Variants in PPEF2 observed in about 807,000 individuals in gnomAD.
The protein encoded by PPEF2 is protein phosphatase with EF-hand domain 2.
In PPEF2, 84 loss-of-function variants were observed where a neutral mutation model predicts 84.7. That is an observed-to-expected ratio of 0.99 (90% CI 0.83 to 1.19). PPEF2 has a LOEUF of 1.19. Ranked by LOEUF, PPEF2 falls within the 50% of genes most tolerant of loss-of-function variation. PPEF2 has a pLI of 0.00. For missense variants in PPEF2, 924 were observed against 937.5 expected, an observed-to-expected ratio of 0.99 and a Z score of 0.19; for synonymous variants, 346 against 345.2, an observed-to-expected ratio of 1.00 and a Z score of -0.03.
rs1724845956 is a variant in PPEF2, at chr4:75,890,268, T to A, written c.242-136A>T. Reference sequence around the variant, plus strand: ...TGCGGGGCCAAGGAGGGAGGATTGCTTGAGCCCAGGAGTTTGAGAACAGCC... The same window carrying A: ...TGCGGGGCCAAGGAGGGAGGATTGCATGAGCCCAGGAGTTTGAGAACAGCC... On this transcript the variant is annotated intron_variant, in intron 4 of 16. Transcript: ENST00000286719. 5.4e-6 allele frequency: 5 copies of A among 929,972 alleles called. No individual in the cohort carries two copies. In the East Asian group the frequency reaches 1.3e-4, roughly 24 times the overall value. 57.6% of individuals were successfully genotyped at this position (929,972 alleles called of 1,614,324 possible).
intron 16 of PPEF2, among the ~76,000 whole-genome samples, chr4:75,863,736 T>C (rs1724062735): frequency 6.6e-6 from 1 of 152,052 alleles, no homozygotes; most frequent in African/African-American, 2.4e-5. Flanking sequence ...TGTGAATCTA[T>C]AATTATTTCA....
rs184472325 is a variant in PPEF2, at chr4:75,892,066, C to T, written c.56-88G>A. 3 of 1,535,552 alleles carry T rather than the reference C, an allele frequency of 2.0e-6. No individual in the cohort carries two copies. In the African/African-American group the frequency reaches 4.1e-5, roughly 21 times the overall value. On this transcript the variant is annotated intron_variant, in intron 2 of 16. Coordinates refer to ENST00000286719, the MANE Select transcript of PPEF2 (RefSeq NM_006239.3). ...TAGGGAGAGGAAGCTGCTCAGCCCT[C>T]TCCCACTGTATATGTGAGGACAAGA...
chr4:75,892,084 G>T, intron 2 of PPEF2, 106 bp from the exon 3 acceptor site: 2 of 1,408,192 alleles, frequency 1.4e-6, no homozygotes, highest in Non-Finnish European at 1.9e-6. Flanking sequence ...GTATATGTGA[G>T]GACAAGATGG....
rs960530843 is a variant in PPEF2 at position 75,884,731 on chromosome 4, A to C, written c.609T>G (p.Tyr203Ter). The C allele has an allele frequency of 4.4e-6, 7 of 1,605,158 alleles. No individual in the cohort carries two copies. Among genetic ancestry groups the C allele is most frequent in the Non-Finnish European group, 5.9e-6 (7 of 1,177,892 alleles). ...GATCCACAAAGTCACCGTTGAACAC[A>C]TATGACCGTTCTGGCGACGGGAGGC... The part of the protein sequence containing the change: ...KNGLPSPERS[Y>*]VFNGDFVDRG... Residue 203 changes from tyrosine (Y) to a stop codon, truncating the protein, a stop_gained, in exon 8 of 17, where the codon TAT becomes TAG. Transcript: ENST00000286719. LOFTEE classifies it high-confidence loss of function.
intron 14 of PPEF2, 55 bp downstream of exon 14, chr4:75,867,258 G>C: frequency 2.1e-6 from 3 of 1,402,006 alleles, no homozygotes; most frequent in Non-Finnish European, 3.0e-6. Flanking sequence ...GTGTAAGACA[G>C]AGATTTTCTG....
intron 16 of PPEF2, among the ~76,000 whole-genome samples, chr4:75,863,940 T>C (rs1390928101): frequency 6.6e-6 from 1 of 150,992 alleles, no homozygotes; most frequent in Non-Finnish European, 1.5e-5. Flanking sequence ...TGGCACGACC[T>C]CGGCTCACTG....
rs1724680048 is a variant in PPEF2 at position 75,884,728 on chromosome 4, C to T, written c.612G>A (p.Val204=). 2 of 1,605,436 alleles carry T rather than the reference C, an allele frequency of 1.2e-6. No individual in the cohort carries two copies. The highest frequency in any genetic ancestry group is 1.7e-6 in the Non-Finnish European group (2 of 1,177,906). The part of the protein sequence containing the change: ...NGLPSPERSY[V]FNGDFVDRGK... ...CTCGATCCACAAAGTCACCGTTGAACACATATGACCGTTCTGGCGACGGGA... is the reference window on the plus strand; with the variant it reads ...CTCGATCCACAAAGTCACCGTTGAATACATATGACCGTTCTGGCGACGGGA... Residue 204 remains valine (V), a synonymous_variant, in exon 8 of 17, where the codon GTG becomes GTA. Coordinates refer to ENST00000286719, the MANE Select transcript of PPEF2 (RefSeq NM_006239.3).
At chr4:75,885,412 G>A (rs1724695355) in intron 7 of PPEF2, among the ~76,000 whole-genome samples, 1 of 152,092 alleles carries the variant, frequency 6.6e-6, no homozygotes, top group Non-Finnish European at 1.5e-5. Context: ...CCTCCCAAAT[G>A]CTGGGATTAC....
intron 12 of PPEF2, 99 bp from the exon 13 acceptor site, chr4:75,872,266 C>G: frequency 8.8e-7 from 1 of 1,135,406 alleles, no homozygotes; most frequent in Non-Finnish European, 1.2e-6. Context: ...GCTGCTGTTT[C>G]TCCTAGTGCT....
intron 10 of PPEF2, among the ~76,000 whole-genome samples, chr4:75,879,105 A>G (rs564382106): frequency 1.3e-5 from 2 of 152,274 alleles, no homozygotes; most frequent in African/African-American, 4.8e-5. Flanking sequence ...TCCACTGTAG[A>G]CTGATGTCCC....
Position 75,876,378 on chromosome 4 carries a change from G to T in PPEF2, c.1229C>A (p.Thr410Asn). Residue 410 changes from threonine (T) to asparagine (N), a missense_variant, in exon 11 of 17, where the codon ACC becomes AAC. Coordinates refer to ENST00000286719, the MANE Select transcript of PPEF2 (RefSeq NM_006239.3). ...GCGGGAGGGCTCCTCTTTCTCTCCG[G>T]TCACCAGGAGGCCTGCTTGCTGCCG... ...RCRQQAGLLV[T>N]GEKEEPSRSA... 3 of 1,614,158 alleles carry T rather than the reference G, an allele frequency of 1.9e-6. No homozygotes were observed. The highest frequency in any genetic ancestry group is 2.5e-6 in the Non-Finnish European group (3 of 1,180,048).
At chr4:75,877,006 AAAAGAAAGAAAG>A (rs71657381) in intron 10 of PPEF2, among the ~76,000 whole-genome samples, 8 of 53,648 alleles carry the variant, frequency 1.5e-4, no homozygotes, top group African/African-American at 3.2e-4. Context: ...AGACCCTGAA[AAAAGAAAGAAAG>A]AAAGAAAGAA....
intron 10 of PPEF2, among the ~76,000 whole-genome samples, chr4:75,877,672 C>T (rs1578006879): frequency 6.8e-6 from 1 of 147,204 alleles, no homozygotes. Flanking sequence ...TTTCCTTTCT[C>T]TTTTTTTTTT....
intron 13 of PPEF2, among the ~76,000 whole-genome samples, chr4:75,869,368 A>G (rs964087794): frequency 7.9e-5 from 12 of 152,230 alleles, no homozygotes; most frequent in African/African-American, 2.2e-4. Flanking sequence ...AGAAAGAACG[A>G]TAACATGAAG....
At chr4:75,888,515 C>G (rs1724792242) in intron 5 of PPEF2, among the ~76,000 whole-genome samples, 187 bp from the exon 6 acceptor site, 1 of 152,224 alleles carries the variant, frequency 6.6e-6, no homozygotes, top group Admixed American at 6.5e-5. Flanking sequence ...TTCTGCTTCT[C>G]ATCATTCCCA....
At chr4:75,867,288 G>A (rs754139301) in intron 14 of PPEF2, 25 bp downstream of exon 14, 1 of 1,566,610 alleles carries the variant, frequency 6.4e-7, no homozygotes, top group Non-Finnish European at 8.8e-7. Flanking sequence ...CTTCCTCTGT[G>A]AATCTTTAAC....
chr4:75,876,190 A>AGAG (rs869251180), intron 11 of PPEF2, 97 bp downstream of exon 11: 2 of 908,952 alleles, frequency 2.2e-6, no homozygotes, highest in African/African-American at 4.4e-5. Context: ...CAGAAAGAGA[A>AGAG]AGAGGGGCCT....
intron 6 of PPEF2, among the ~76,000 whole-genome samples, chr4:75,887,284 C>CAT: frequency 6.6e-6 from 1 of 152,286 alleles, no homozygotes; most frequent in Non-Finnish European, 1.5e-5. Flanking sequence ...AAATCTAGAT[C>CAT]ATAATATAAA....
intron 13 of PPEF2, among the ~76,000 whole-genome samples, chr4:75,868,689 C>T (rs1169531752): frequency 6.6e-6 from 1 of 151,942 alleles, no homozygotes; most frequent in Non-Finnish European, 1.5e-5. Context: ...AGAATGAGAC[C>T]CTGTCTCAAA....
Sources: gnomAD v4.1 joint callset for allele counts (sites outside exome capture counted in the v4.1 genomes callset) on GRCh38, gnomAD v4.1.1 for gene constraint, MANE v1.5 for transcripts, NCBI Gene and HGNC (gene_info 2026-07-23, HGNC 2026-07-21) for gene names.